DOCK10: variants seen among roughly 807,000 people sequenced by gnomAD.
DOCK10 encodes dedicator of cytokinesis 10.
A neutral mutation model predicts 280.1 loss-of-function variants in DOCK10; 145 were observed. That is an observed-to-expected ratio of 0.52 (90% CI 0.45 to 0.59). The LOEUF is 0.59. Ranked by LOEUF, DOCK10 falls within the 20% of genes least tolerant of loss-of-function variation. The pLI is 0.00. For missense variants in DOCK10, 2,368 were observed against 2,651.7 expected (o/e 0.89, Z 2.35); for synonymous variants, 915 against 942.2 (o/e 0.97, Z 0.53).
At chr2:224,797,450 G>A (rs903631838) in intron 42 of DOCK10, among the ~76,000 whole-genome samples, 1 of 152,076 alleles carries the variant, frequency 6.6e-6, no homozygotes, top group African/African-American at 2.4e-5. Context: ...ACATTGTTAA[G>A]ATCACAGGTG....
intron 1 of DOCK10, among the ~76,000 whole-genome samples, chr2:224,936,601 A>G (rs1702707099): frequency 7.4e-6 from 1 of 134,882 alleles, no homozygotes; most frequent in African/African-American, 2.6e-5. Context: ...TAAAGTTTGT[A>G]ATAAAAAGCA....
chr2:224,907,073 C>G (rs972744447), intron 3 of DOCK10, among the ~76,000 whole-genome samples: 1 of 152,216 alleles, frequency 6.6e-6, no homozygotes, highest in African/African-American at 2.4e-5. Flanking sequence ...CTCCACCTAA[C>G]TGAATTGCAA....
At chr2:225,018,891 GTATA>G (rs1426200429) in intron 1 of DOCK10, among the ~76,000 whole-genome samples, 5 of 146,436 alleles carry the variant, frequency 3.4e-5, no homozygotes, top group Non-Finnish European at 7.4e-5. Flanking sequence ...TTATATATGT[GTATA>G]TACATATGTA....
chr2:224,782,228 T>C (rs140174087), intron 50 of DOCK10, among the ~76,000 whole-genome samples: 4 of 152,310 alleles, frequency 2.6e-5, no homozygotes, highest in African/African-American at 9.6e-5. Flanking sequence ...CGCCTGCACC[T>C]TCCCTCCTCC....
intron 1 of DOCK10, among the ~76,000 whole-genome samples, chr2:224,989,299 A>T (rs1448222697): frequency 6.6e-6 from 1 of 152,206 alleles, no homozygotes; most frequent in Non-Finnish European, 1.5e-5. Flanking sequence ...GGGAAGAAAC[A>T]TGGGGACCAA....
At chr2:224,804,273 G>T in intron 38 of DOCK10, 60 bp from the exon 39 acceptor site, 2 of 952,012 alleles carry the variant, frequency 2.1e-6, no homozygotes, top group South Asian at 1.4e-5. Context: ...ATATAAAAAT[G>T]AATGGCAACT....
At chr2:224,804,600 T>C (rs577042228) in intron 38 of DOCK10, among the ~76,000 whole-genome samples, 194 bp downstream of exon 38, 93 of 152,254 alleles carry the variant, frequency 6.1e-4, no homozygotes, top group African/African-American at 2.0e-3. Context: ...CTAGACAACA[T>C]GAACTATTCC....
intron 1 of DOCK10, among the ~76,000 whole-genome samples, chr2:224,993,156 T>A (rs557177183): frequency 1.3e-5 from 2 of 151,306 alleles, no homozygotes; most frequent in Non-Finnish European, 1.5e-5. Flanking sequence ...GTGGTGCAGG[T>A]TGATGGAAGG....
chr2:224,981,062 A>G (rs1039271415), intron 1 of DOCK10, among the ~76,000 whole-genome samples: 1 of 152,182 alleles, frequency 6.6e-6, no homozygotes, highest in African/African-American at 2.4e-5. Context: ...TAATGTTATT[A>G]ACAAGAGTTA....
intron 4 of DOCK10, among the ~76,000 whole-genome samples, chr2:224,887,541 T>C (rs1699383892): frequency 6.6e-6 from 1 of 152,170 alleles, no homozygotes; most frequent in Non-Finnish European, 1.5e-5. Flanking sequence ...TAACTAATGG[T>C]TGAATGGAAA....
intron 1 of DOCK10, among the ~76,000 whole-genome samples, chr2:224,998,551 T>G (rs1706339227): frequency 6.6e-6 from 1 of 152,110 alleles, no homozygotes; most frequent in Non-Finnish European, 1.5e-5. Context: ...CTCTCCTGGT[T>G]CCTTCCCTTT....
At chr2:224,909,429 T>C (rs1291601305) in intron 3 of DOCK10, among the ~76,000 whole-genome samples, 1 of 152,216 alleles carries the variant, frequency 6.6e-6, no homozygotes, top group East Asian at 1.9e-4. Flanking sequence ...ATTAGGATTT[T>C]TCATATCCCT....
chr2:225,011,333 A>T (rs1048993188), intron 1 of DOCK10, among the ~76,000 whole-genome samples: 1 of 152,240 alleles, frequency 6.6e-6, no homozygotes, highest in African/African-American at 2.4e-5. Flanking sequence ...ACCTGCTAGA[A>T]GTATTCATGC....
chr2:224,915,647 T>A (rs1384323059), intron 3 of DOCK10, among the ~76,000 whole-genome samples: 1 of 152,208 alleles, frequency 6.6e-6, no homozygotes. Flanking sequence ...GAATTCCTAG[T>A]TGGGACACAC....
chr2:225,023,161 G>A (rs183283886), intron 1 of DOCK10, among the ~76,000 whole-genome samples: 1,741 of 151,918 alleles, frequency 0.011, 22 homozygotes, highest in Non-Finnish European at 0.015. Flanking sequence ...TCAGCCTCCC[G>A]AGTAGCTGGA....
chr2:224,978,163 G>C (rs1705542726), intron 1 of DOCK10, among the ~76,000 whole-genome samples: 1 of 152,184 alleles, frequency 6.6e-6, no homozygotes, highest in Non-Finnish European at 1.5e-5. Flanking sequence ...GGCTAGGTGT[G>C]GTGGCTCATG....
intron 1 of DOCK10, among the ~76,000 whole-genome samples, chr2:225,024,131 C>T (rs1436412539): frequency 2.0e-5 from 3 of 152,092 alleles, no homozygotes; most frequent in South Asian, 2.1e-4. Flanking sequence ...TTCAACATTT[C>T]GAGGTCAAGA....
At chr2:224,916,820 G>C in intron 2 of DOCK10, 36 bp from the exon 3 acceptor site, 2 of 1,530,788 alleles carry the variant, frequency 1.3e-6, no homozygotes, top group Non-Finnish European at 1.8e-6. Flanking sequence ...GAGTCCTCCG[G>C]CTTAGAAGTG....
chr2:224,957,334 A>G (rs1475175088), intron 1 of DOCK10, among the ~76,000 whole-genome samples: 1 of 130,586 alleles, frequency 7.7e-6, no homozygotes, highest in Non-Finnish European at 1.6e-5. Flanking sequence ...TCTGCCACCC[A>G]GGCTAAAGTG....
Sources: allele counts gnomAD v4.1 joint callset (sites outside exome capture counted in the v4.1 genomes callset), GRCh38; gene constraint gnomAD v4.1.1; transcripts MANE v1.5; gene names NCBI Gene and HGNC (gene_info 2026-07-23, HGNC 2026-07-21).